The following GPC5 variants were observed in gnomAD, a reference collection of about 807,000 sequenced individuals.
The protein encoded by GPC5 is glypican 5.
A neutral mutation model predicts 53.9 loss-of-function variants in GPC5; 47 were observed. The observed-to-expected ratio is 0.87, with a 90% CI of 0.69 to 1.11. The LOEUF (loss-of-function observed/expected upper bound fraction) is 1.11. Among genes scored for constraint, GPC5 ranks in the 50% most tolerant of loss-of-function variants. GPC5 has a pLI of 0.00. For synonymous variants in GPC5, 286 were observed against 263.3 expected, an observed-to-expected ratio of 1.09 and a Z score of -0.84; for missense variants, 748 against 713.1, an observed-to-expected ratio of 1.05 and a Z score of -0.56.
intron 2 of GPC5, among the ~76,000 whole-genome samples, chr13:91,499,030 T>C (rs188190069): frequency 6.6e-6 from 1 of 151,710 alleles, no homozygotes; most frequent in East Asian, 1.9e-4. Context: ...TGATTAGGGA[T>C]GGGGCTCAGG....
At chr13:92,445,441 A>G (rs1877771026) in intron 7 of GPC5, among the ~76,000 whole-genome samples, 1 of 147,992 alleles carries the variant, frequency 6.8e-6, no homozygotes, top group Non-Finnish European at 1.5e-5. Context: ...CATTAGGTAT[A>G]TCTCCTAAAG....
rs978061943 is a variant in GPC5 at position 91,612,631 on chromosome 13, A to T, written c.326-80556A>T. Among the ~76,000 whole-genome samples, 30 of 152,316 alleles carry T rather than the reference A, an allele frequency of 2.0e-4. 1 individual carries two copies. Among genetic ancestry groups the T allele is most frequent in the African/African-American group, 7.2e-4 (30 of 41,568 alleles). On this transcript the variant is annotated intron_variant, in intron 2 of 7. Coordinates refer to ENST00000377067, the MANE Select transcript of GPC5 (RefSeq NM_004466.6). ...ACAAACAAACAAACAAAGCCTTGTG[A>T]TATTAGAGAGTTATGAACACAACCA... is the stretch of plus-strand genomic sequence containing the variant.
At chr13:92,769,016 C>T (rs1238734449) in intron 7 of GPC5, among the ~76,000 whole-genome samples, 2 of 152,018 alleles carry the variant, frequency 1.3e-5, no homozygotes, top group East Asian at 3.8e-4. Flanking sequence ...GAACATAAGC[C>T]TATTCATAAA....
At position 92,405,387 on chromosome 13, in the gene GPC5, G is replaced by A. The variant is rs187278321; in HGVS notation, c.1561+260398G>A. On this transcript the variant is annotated intron_variant, in intron 7 of 7. Coordinates refer to ENST00000377067, the MANE Select transcript of GPC5 (RefSeq NM_004466.6). Reference sequence around the variant, plus strand: ...GAGAAGTGCAAACAACACAGGCAGCGGCCCCAACTGGGAATCAACATTTTT... The same window carrying A: ...GAGAAGTGCAAACAACACAGGCAGCAGCCCCAACTGGGAATCAACATTTTT... Among the ~76,000 whole-genome samples the A allele has an allele frequency of 4.7e-3, 711 of 152,244 alleles. 5 individuals are homozygous for A. Among genetic ancestry groups the A allele is most frequent in the Admixed American group, 9.1e-3 (139 of 15,288 alleles).
chr13:92,132,489 C>T (rs1488316359), intron 6 of GPC5, among the ~76,000 whole-genome samples: 1 of 152,070 alleles, frequency 6.6e-6, no homozygotes, highest in Non-Finnish European at 1.5e-5. Context: ...GTCTGTGTTT[C>T]CTGAATCTCT....
At chr13:92,131,277 A>G (rs2041740838) in intron 6 of GPC5, among the ~76,000 whole-genome samples, 1 of 152,036 alleles carries the variant, frequency 6.6e-6, no homozygotes, top group Non-Finnish European at 1.5e-5. Flanking sequence ...GTTTGGCGAT[A>G]TCTACTAAAG....
At chr13:92,132,104 C>A (rs549803468) in intron 6 of GPC5, among the ~76,000 whole-genome samples, 52 of 152,084 alleles carry the variant, frequency 3.4e-4, no homozygotes, top group Non-Finnish European at 6.9e-4. Flanking sequence ...GTTGCTACAT[C>A]TGTGATGTCA....
At chr13:92,239,722 A>G (rs953012710) in intron 7 of GPC5, 88 of 138,028 alleles carry the variant, frequency 6.4e-4, no homozygotes, top group African/African-American at 2.2e-3. Context: ...CTTAATTATA[A>G]TTTAAGGGAA....
chr13:91,898,970 TG>T (rs1227534069), intron 5 of GPC5, among the ~76,000 whole-genome samples: 1 of 152,184 alleles, frequency 6.6e-6, no homozygotes, highest in Non-Finnish European at 1.5e-5. Context: ...TAAGCCTGAG[TG>T]TAGCTAATTT....
At chr13:91,824,545 AC>A (rs746768508) in intron 5 of GPC5, among the ~76,000 whole-genome samples, 2 of 152,096 alleles carry the variant, frequency 1.3e-5, no homozygotes, top group East Asian at 3.8e-4. Flanking sequence ...TGGATAAGTT[AC>A]TTTAAGTTTT....
intron 5 of GPC5, among the ~76,000 whole-genome samples, chr13:91,860,582 T>C (rs2039016908): frequency 6.6e-6 from 1 of 150,400 alleles, no homozygotes; most frequent in Non-Finnish European, 1.5e-5. Context: ...TGACCTTGGC[T>C]CACCATAACC....
At chr13:92,436,557 A>G (rs1204663743) in intron 7 of GPC5, among the ~76,000 whole-genome samples, 1 of 152,176 alleles carries the variant, frequency 6.6e-6, no homozygotes, top group African/African-American at 2.4e-5. Context: ...GACACATTAC[A>G]TCACTCATCC....
At chr13:92,544,845 C>T (rs914990106) in intron 7 of GPC5, among the ~76,000 whole-genome samples, 2 of 151,710 alleles carry the variant, frequency 1.3e-5, no homozygotes, top group African/African-American at 4.8e-5. Context: ...TCATCTATTC[C>T]TTTTTTATGT....
chr13:92,156,348 C>G (rs2041945000), intron 7 of GPC5, among the ~76,000 whole-genome samples: 1 of 152,104 alleles, frequency 6.6e-6, no homozygotes, highest in South Asian at 2.1e-4. Context: ...TGCATCCACC[C>G]ATTATTAGTG....
At chr13:92,683,211 G>T (rs1376684633) in intron 7 of GPC5, among the ~76,000 whole-genome samples, 2 of 151,998 alleles carry the variant, frequency 1.3e-5, no homozygotes, top group Non-Finnish European at 2.9e-5. Context: ...AAGAAAAAAT[G>T]ATTTAGAAAA....
At chr13:92,132,301 G>A (rs2041750837) in intron 6 of GPC5, among the ~76,000 whole-genome samples, 1 of 152,152 alleles carries the variant, frequency 6.6e-6, no homozygotes, top group Non-Finnish European at 1.5e-5. Flanking sequence ...GTACATGTAT[G>A]ATTTATGCAC....
intron 6 of GPC5, among the ~76,000 whole-genome samples, chr13:92,024,821 A>G (rs2040787750): frequency 6.6e-6 from 1 of 152,194 alleles, no homozygotes; most frequent in Non-Finnish European, 1.5e-5. Flanking sequence ...ATTAGAAAAG[A>G]ACCTAATACT....
chr13:92,162,659 T>A (rs775603877), intron 7 of GPC5, among the ~76,000 whole-genome samples: 2 of 152,224 alleles, frequency 1.3e-5, no homozygotes, highest in Non-Finnish European at 2.9e-5. Context: ...TTCCAGAATG[T>A]TGTTATATAC....
intron 7 of GPC5, among the ~76,000 whole-genome samples, chr13:92,274,900 T>C (rs2042864847): frequency 6.6e-6 from 1 of 151,858 alleles, no homozygotes; most frequent in Admixed American, 6.6e-5. Context: ...TGGGACCATT[T>C]TGGAATAAGC....
Sources: gnomAD v4.1 joint callset for allele counts (sites outside exome capture counted in the v4.1 genomes callset) on GRCh38, gnomAD v4.1.1 for gene constraint, MANE v1.5 for transcripts, NCBI Gene and HGNC (gene_info 2026-07-23, HGNC 2026-07-21) for gene names.